PPWD1: variants seen among roughly 807,000 people sequenced by gnomAD.
The protein encoded by PPWD1 is peptidylprolyl isomerase domain and WD repeat-containing protein 1.
Under a neutral mutation model 68.8 loss-of-function variants are expected in PPWD1, and 43 were observed. The ratio of observed to expected loss-of-function variants is 0.62; its 90% CI spans 0.49 to 0.81. The LOEUF (loss-of-function observed/expected upper bound fraction) is 0.81, where lower values mean the gene tolerates loss of function less well. Ranked by LOEUF, PPWD1 falls within the 30% of genes least tolerant of loss-of-function variation. The pLI is 0.00. For synonymous variants in PPWD1, 232 were observed against 258.7 expected, an observed-to-expected ratio of 0.90 and a Z score of 0.99; for missense variants, 672 against 804.8, an observed-to-expected ratio of 0.83 and a Z score of 2.00.
In PPWD1 at chr5:65,579,537, A is replaced by G; in HGVS notation, c.1274A>G (p.Glu425Gly). The G allele has an allele frequency of 6.2e-7, 1 of 1,611,210 alleles. No homozygotes were observed. Among genetic ancestry groups the G allele is most frequent in the Non-Finnish European group, 8.5e-7 (1 of 1,179,012 alleles). Residue 425 changes from glutamate (E) to glycine (G), a missense_variant, in exon 7 of 11, where the codon GAA becomes GGA. Physicochemically the swap from Glu to Gly is moderately conservative, Grantham distance 98. Coordinates refer to ENST00000261308, the MANE Select transcript of PPWD1 (RefSeq NM_015342.4). Reference sequence around the variant, plus strand: ...ACTACTATAGAAATGAAAGCTTCTGAAAATCCTGTTCTTCAGAATATTCAA... The same window carrying G: ...ACTACTATAGAAATGAAAGCTTCTGGAAATCCTGTTCTTCAGAATATTCAA... ...AATTIEMKAS[E>G]NPVLQNIQAD...
intron 6 of PPWD1, among the ~76,000 whole-genome samples, chr5:65,578,008 A>G (rs1753384134): frequency 6.6e-6 from 1 of 152,184 alleles, no homozygotes; most frequent in Admixed American, 6.5e-5. Flanking sequence ...ACTGCCTTCA[A>G]AATCCTCTGC....
intron 10 of PPWD1, 36 bp downstream of exon 10, chr5:65,586,217 G>T (rs1181236121): frequency 1.3e-6 from 2 of 1,575,080 alleles, no homozygotes; most frequent in East Asian, 4.5e-5. Flanking sequence ...ACTACAGATT[G>T]ATAGGTTATG....
chr5:65,566,984 C>T lies in PPWD1; in HGVS notation c.197-529C>T, dbSNP rs548332051. The stretch of plus-strand genomic sequence containing the variant: ...GGATACTCCCTAGGATGTTCTCAGG[C>T]ATAAAAATCTAAGAATTTTACCATG... On this transcript the variant is annotated intron_variant, in intron 1 of 10. Transcript: ENST00000261308. Among the ~76,000 whole-genome samples the T allele has an allele frequency of 9.2e-5, 14 of 152,080 alleles. 1 individual carries two copies. The highest frequency in any genetic ancestry group is 4.2e-4 in the South Asian group (2 of 4,818).
intron 6 of PPWD1, among the ~76,000 whole-genome samples, chr5:65,577,692 A>G (rs1309375204): frequency 6.6e-6 from 1 of 152,256 alleles, no homozygotes; most frequent in Non-Finnish European, 1.5e-5. Context: ...ATAGGTTAAA[A>G]CTGTATAAAC....
At chr5:65,580,072 ATT>A (rs375988025) in intron 7 of PPWD1, among the ~76,000 whole-genome samples, 1 of 150,216 alleles carries the variant, frequency 6.7e-6, no homozygotes, top group East Asian at 1.9e-4. Context: ...TTCCTGTGGA[ATT>A]TTTTTTTTCT....
At chr5:65,584,488 A>T (rs1200650899) in intron 8 of PPWD1, among the ~76,000 whole-genome samples, 1 of 152,214 alleles carries the variant, frequency 6.6e-6, no homozygotes, top group Non-Finnish European at 1.5e-5. Flanking sequence ...ATGCTTTTGT[A>T]AGAAAATGAC....
chr5:65,587,519 T>G lies in PPWD1; in HGVS notation c.*123T>G. 1.3e-6 allele frequency: 1 copy of G among 796,900 alleles called. No homozygotes were observed. Among genetic ancestry groups the G allele is most frequent in the African/African-American group, 1.8e-5 (1 of 55,558 alleles). 49.4% of individuals were successfully genotyped at this position (796,900 alleles called of 1,614,324 possible). ...GTTTCAAAGATACAGTATTTTTGTA[T>G]TTTTTATTAAAGGCTATTTTTTAAA... On this transcript the variant is annotated 3_prime_UTR_variant, in exon 11 of 11. Coordinates refer to ENST00000261308, the MANE Select transcript of PPWD1 (RefSeq NM_015342.4).
In PPWD1 at chr5:65,569,960, TGTA is replaced by T. The variant is rs748264149; in HGVS notation, c.486_488del (p.Val163del). The T allele has an allele frequency of 6.2e-7, 1 of 1,612,344 alleles. No homozygotes were observed. On this transcript the variant is annotated inframe_deletion, in exon 4 of 11. Transcript: ENST00000261308. Reference sequence around the variant, plus strand: ...ATGATAAAGCAATGAAGGTGTTTGATGTAGTGAACTTTGACATGATCAACATGC... The same window carrying T: ...ATGATAAAGCAATGAAGGTGTTTGATGTGAACTTTGACATGATCAACATGC...
chr5:65,584,758 T>C (rs1315349202), intron 8 of PPWD1, among the ~76,000 whole-genome samples: 1 of 152,122 alleles, frequency 6.6e-6, no homozygotes, highest in Non-Finnish European at 1.5e-5. Context: ...GACCTTGAAA[T>C]TTTAATACTG....
In PPWD1 at chr5:65,576,999, G is replaced by T. The variant is rs748540617; in HGVS notation, c.1090G>T (p.Asp364Tyr). 2 of 1,614,132 alleles carry T rather than the reference G, an allele frequency of 1.2e-6. No homozygotes were observed. The highest frequency in any genetic ancestry group is 1.7e-6 in the Non-Finnish European group (2 of 1,179,994). ...TGTAAGATTAATTAATATAGTTTTT[G>T]ATGAAACTGGACACTTCGTGCTGTA... ...DAVRLINIVF[D>Y]ETGHFVLYGT... is the part of the protein sequence containing the mutation. Residue 364 changes from aspartate to tyrosine, a missense_variant, in exon 6 of 11, where the codon GAT (aspartate) becomes TAT (tyrosine). Physicochemically the swap from Asp to Tyr is radical, Grantham distance 160. Transcript: ENST00000261308.
intron 1 of PPWD1, among the ~76,000 whole-genome samples, chr5:65,566,754 C>T (rs1752788475): frequency 6.6e-6 from 1 of 151,310 alleles, no homozygotes; most frequent in South Asian, 2.1e-4. Flanking sequence ...TCCCTCCCTT[C>T]GTCTTTCTTT....
chr5:65,577,120 A>G (rs1753334263), intron 6 of PPWD1, 51 bp downstream of exon 6: 2 of 1,554,944 alleles, frequency 1.3e-6, no homozygotes, highest in African/African-American at 2.7e-5. Context: ...GTGGGGGACC[A>G]TTTCCTCCAT....
At chr5:65,571,394 G>A (rs1006125889) in intron 4 of PPWD1, among the ~76,000 whole-genome samples, 1 of 151,994 alleles carries the variant, frequency 6.6e-6, no homozygotes, top group Non-Finnish European at 1.5e-5. Context: ...TTTCTTTGAC[G>A]TATTGTCATA....
At chr5:65,579,673 CTT>C (rs1753510649) in intron 7 of PPWD1, 60 bp downstream of exon 7, 4 of 1,258,758 alleles carry the variant, frequency 3.2e-6, no homozygotes, top group Non-Finnish European at 4.2e-6. Flanking sequence ...TTTGACTTTT[CTT>C]TGTTTGTACC....
At chr5:65,564,945 T>A (rs1202301683) in intron 1 of PPWD1, among the ~76,000 whole-genome samples, 1 of 152,212 alleles carries the variant, frequency 6.6e-6, no homozygotes, top group East Asian at 1.9e-4. Flanking sequence ...TGAAGCACTT[T>A]GATCATAACT....
At chr5:65,580,099 A>G (rs886105118) in intron 7 of PPWD1, among the ~76,000 whole-genome samples, 24 of 152,136 alleles carry the variant, frequency 1.6e-4, no homozygotes, top group Non-Finnish European at 2.5e-4. Context: ...TGGAGAACTA[A>G]AAGTACTTTG....
intron 5 of PPWD1, among the ~76,000 whole-genome samples, chr5:65,574,779 C>A (rs1049090804): frequency 1.3e-5 from 2 of 152,162 alleles, no homozygotes; most frequent in African/African-American, 4.8e-5. Flanking sequence ...AATCTCTTAA[C>A]ACACATACTC....
intron 5 of PPWD1, among the ~76,000 whole-genome samples, chr5:65,573,404 T>C (rs2150596140): frequency 6.8e-6 from 1 of 146,734 alleles, no homozygotes; most frequent in Non-Finnish European, 1.5e-5. Flanking sequence ...GCGATTCTCC[T>C]GTCTCAGCTT....
intron 7 of PPWD1, among the ~76,000 whole-genome samples, chr5:65,581,010 A>G (rs929783609): frequency 6.6e-6 from 1 of 152,192 alleles, no homozygotes; most frequent in African/African-American, 2.4e-5. Flanking sequence ...TTAAATCCAG[A>G]AAGTTAGGAA....
Sources: allele counts gnomAD v4.1 joint callset (sites outside exome capture counted in the v4.1 genomes callset), GRCh38; gene constraint gnomAD v4.1.1; transcripts MANE v1.5; gene names NCBI Gene and HGNC (gene_info 2026-07-23, HGNC 2026-07-21).